Variants in AP4E1 observed in about 807,000 individuals in gnomAD.
The protein encoded by AP4E1 is AP-4 complex subunit epsilon-1.
In AP4E1, 56 loss-of-function variants were observed where a neutral mutation model predicts 128.2. That is an observed-to-expected ratio of 0.44 (90% CI 0.35 to 0.55). AP4E1 has a LOEUF of 0.55. AP4E1 is among the 20% of genes least tolerant of loss of function. The pLI is 0.00. For synonymous variants in AP4E1, 484 were observed against 473.1 expected (o/e 1.02, Z -0.30); for missense variants, 1,324 against 1,307.7 (o/e 1.01, Z -0.19).
At chr15:50,930,054 G>A (rs1393362386) in intron 6 of AP4E1, among the ~76,000 whole-genome samples, 2 of 149,648 alleles carry the variant, frequency 1.3e-5, no homozygotes, top group Admixed American at 6.7e-5. Context: ...TAATTGGCAG[G>A]CACACTGATT....
At chr15:50,989,326 A>G (rs2064772394) in intron 16 of AP4E1, among the ~76,000 whole-genome samples, 1 of 152,230 alleles carries the variant, frequency 6.6e-6, no homozygotes, top group Non-Finnish European at 1.5e-5. Context: ...TTCTGTATTT[A>G]TTAAGAAATC....
chr15:50,952,342 C>T (rs185296770), intron 13 of AP4E1, among the ~76,000 whole-genome samples: 2 of 151,982 alleles, frequency 1.3e-5, no homozygotes, highest in Admixed American at 1.3e-4. Flanking sequence ...CACCCCATCT[C>T]TACTAAAAAT....
chr15:50,950,890 A>C (rs183952918), intron 13 of AP4E1, among the ~76,000 whole-genome samples: 6 of 152,134 alleles, frequency 3.9e-5, no homozygotes, highest in Non-Finnish European at 8.8e-5. Context: ...CTGTTCCTGC[A>C]TTAGTTTGCT....
At chr15:50,954,660 C>T (rs766921022) in intron 13 of AP4E1, among the ~76,000 whole-genome samples, 1 of 152,094 alleles carries the variant, frequency 6.6e-6, no homozygotes, top group Non-Finnish European at 1.5e-5. Flanking sequence ...GTTTGTTTTA[C>T]GGTTCAAGGC....
Position 50,968,392 on chromosome 15 carries a change from A to G in AP4E1, c.1966+15A>G, listed in dbSNP as rs1232501157. 4 of 1,567,610 alleles carry G rather than the reference A, an allele frequency of 2.6e-6. No homozygotes were observed. The highest frequency in any genetic ancestry group is 2.2e-5 in the South Asian group (2 of 88,968). On this transcript the variant is annotated intron_variant, in intron 15 of 20. Coordinates refer to ENST00000261842, the MANE Select transcript of AP4E1 (RefSeq NM_007347.5). ...TCAGGAAAAAGGTAATTTTTCATGG[A>G]TTTATGATAAGCTAGAGTGTAGGGA...
chr15:50,941,341 AAAATGGAC>A (rs2063983910), intron 8 of AP4E1, 93 bp from the exon 9 acceptor site: 17 of 1,343,208 alleles, frequency 1.3e-5, no homozygotes, highest in Middle Eastern at 2.5e-4. Context: ...ATTTCTGACT[AAAATGGAC>A]TTTCCAATTA....
At chr15:50,943,986 TA>T (rs1292833377) in intron 10 of AP4E1, among the ~76,000 whole-genome samples, 3 of 152,168 alleles carry the variant, frequency 2.0e-5, no homozygotes, top group South Asian at 2.1e-4. Flanking sequence ...AAACCACAGA[TA>T]GGGGGTTTAT....
intron 2 of AP4E1, 57 bp downstream of exon 2, chr15:50,912,206 C>A: frequency 7.1e-7 from 1 of 1,418,128 alleles, no homozygotes; most frequent in Non-Finnish European, 1.0e-6. Context: ...TCACTGTGGA[C>A]TCAATAGTGG....
At chr15:50,971,829 T>G (rs2064483294) in intron 15 of AP4E1, among the ~76,000 whole-genome samples, 1 of 152,246 alleles carries the variant, frequency 6.6e-6, no homozygotes, top group East Asian at 1.9e-4. Context: ...TTTGTTGAAT[T>G]TCTTGTTCAA....
chr15:50,974,624 T>G (rs1360742310), intron 15 of AP4E1, among the ~76,000 whole-genome samples: 1 of 152,158 alleles, frequency 6.6e-6, no homozygotes, highest in African/African-American at 2.4e-5. Context: ...TTGCACCATT[T>G]TGCATTCCCA....
rs1837115378 is a variant in AP4E1, at chr15:50,969,801, A to G, written c.1966+1424A>G. ...AGCCTCCCGAGTAGCTGGGACTACA[A>G]GCGCCGGCCACCACGCCCAGCTAAT... On this transcript the variant is annotated intron_variant, in intron 15 of 20. Coordinates refer to ENST00000261842, the MANE Select transcript of AP4E1 (RefSeq NM_007347.5). Among the ~76,000 whole-genome samples, 5 of 151,586 alleles carry G rather than the reference A, an allele frequency of 3.3e-5. No homozygotes were observed. The East Asian group carries it at 7.8e-4, about 24-fold the overall frequency.
chr15:50,934,521 ACTTCT>A (rs1378829249), intron 7 of AP4E1, 98 bp from the exon 8 acceptor site: 3 of 736,990 alleles, frequency 4.1e-6, no homozygotes, highest in Middle Eastern at 2.5e-4. Context: ...AATTTCTTTC[ACTTCT>A]CTTCTGTAGA....
intron 15 of AP4E1, among the ~76,000 whole-genome samples, chr15:50,974,828 A>G (rs2064530606): frequency 6.6e-6 from 1 of 151,944 alleles, no homozygotes; most frequent in Non-Finnish European, 1.5e-5. Flanking sequence ...CTTTAGAGAA[A>G]TGTTTATTTA....
At position 50,929,078 on chromosome 15, in the gene AP4E1, A is replaced by G. The variant is rs1293420898; in HGVS notation, c.612A>G (p.Gln204=). 2 of 1,613,758 alleles carry G rather than the reference A, an allele frequency of 1.2e-6. No individual in the cohort carries two copies. The highest frequency in any genetic ancestry group is 1.3e-5 in the African/African-American group (1 of 74,904). The change falls in exon 6 of 21, where the codon CAA becomes CAG. Residue 204 remains glutamine (Q), a synonymous_variant. Coordinates refer to ENST00000261842, the MANE Select transcript of AP4E1 (RefSeq NM_007347.5). ...KFHLIAPNQV[Q]HIHIKFRKAL... ...ATCTCATTGCTCCTAATCAAGTACA[A>G]CATATTCATATTAAGTTTCGGAAAG...
intron 13 of AP4E1, among the ~76,000 whole-genome samples, chr15:50,958,141 G>T (rs1482830405): frequency 6.6e-6 from 1 of 152,110 alleles, no homozygotes; most frequent in Non-Finnish European, 1.5e-5. Flanking sequence ...CTTACTACGT[G>T]TAGTAAGAAC....
In AP4E1 at chr15:50,924,013, T is replaced by C. The variant is rs2063739492; in HGVS notation, c.420+9T>C. ...TGAATACAGTTGTAAAGGTATTGTA[T>C]TGTATGTTGGTTAATATGAAGTCAT... On this transcript the variant is annotated intron_variant, in intron 4 of 20. Transcript: ENST00000261842. 1.4e-5 allele frequency: 23 copies of C among 1,594,752 alleles called. 1 individual carries two copies. Among genetic ancestry groups the C allele is most frequent in the Middle Eastern group, 3.3e-4 (2 of 6,046 alleles).
At chr15:50,981,967 C>A (rs922548849) in intron 15 of AP4E1, among the ~76,000 whole-genome samples, 1 of 151,674 alleles carries the variant, frequency 6.6e-6, no homozygotes, top group South Asian at 2.1e-4. Context: ...TGCCTGTAAT[C>A]CCAGCTACTC....
chr15:50,912,043 G>A, intron 1 of AP4E1, 35 bp from the exon 2 acceptor site: 2 of 1,510,586 alleles, frequency 1.3e-6, no homozygotes, highest in South Asian at 1.1e-5. Flanking sequence ...TTAAAAGACA[G>A]TTAATCAAGC....
intron 4 of AP4E1, 124 bp downstream of exon 4, chr15:50,924,128 ATCT>A (rs1254231309): frequency 1.4e-6 from 1 of 721,990 alleles, no homozygotes; most frequent in African/African-American, 1.8e-5. Context: ...GCTTAGAAGA[ATCT>A]TTTAGATCAG....
Sources: allele counts gnomAD v4.1 joint callset (sites outside exome capture counted in the v4.1 genomes callset), GRCh38; gene constraint gnomAD v4.1.1; transcripts MANE v1.5; gene names NCBI Gene and HGNC (gene_info 2026-07-23, HGNC 2026-07-21).